MYO5C: variants seen among roughly 807,000 people sequenced by gnomAD.
The protein encoded by MYO5C is myosin VC.
In MYO5C, 194 loss-of-function variants were observed where a neutral mutation model predicts 235.7. The observed-to-expected ratio is 0.82, with a 90% confidence interval of 0.73 to 0.93. MYO5C has a LOEUF of 0.93. Among genes scored for constraint, MYO5C ranks in the 40% least tolerant of loss-of-function variants. The pLI is 0.00. For synonymous variants in MYO5C, 707 were observed against 754.8 expected, an observed-to-expected ratio of 0.94 and a Z score of 1.04; for missense variants, 2,038 against 2,127.2, an observed-to-expected ratio of 0.96 and a Z score of 0.82.
chr15:52,202,322 A>G (rs1356932505), intron 38 of MYO5C, among the ~76,000 whole-genome samples: 1 of 152,198 alleles, frequency 6.6e-6, no homozygotes, highest in African/African-American at 2.4e-5. Context: ...GGTTGCAGTG[A>G]GCCAAGATCG....
At position 52,211,839 on chromosome 15, in the gene MYO5C, G is replaced by A. The variant is rs17650440; in HGVS notation, c.4187C>T (p.Pro1396Leu). Residue 1396 changes from proline to leucine, a missense_variant, in exon 35 of 41, where the codon CCG (proline) becomes CTG (leucine). By Grantham distance (98) the Pro-to-Leu change is moderately conservative (BLOSUM62 -3). Transcript: ENST00000261839. ...GVVVNMIPGL[P>L]AHILFMCVRY... ...CACACACATGAACAGGATATGAGCC[G>A]GCAGCCCGGGGATCATGTTCACCAC... 1.3e-5 allele frequency: 21 copies of A among 1,613,924 alleles called. No individual in the cohort carries two copies. The highest frequency in any genetic ancestry group is 4.0e-5 in the African/African-American group (3 of 74,924).
At chr15:52,232,736 A>C (rs1223054918) in intron 23 of MYO5C, 51 bp from the exon 24 acceptor site, 1 of 1,473,818 alleles carries the variant, frequency 6.8e-7, no homozygotes, top group South Asian at 1.1e-5. Context: ...CAATGCCTTG[A>C]TTGTTTCATG....
intron 1 of MYO5C, among the ~76,000 whole-genome samples, chr15:52,284,170 C>CA (rs2037216073): frequency 6.7e-6 from 1 of 149,662 alleles, no homozygotes; most frequent in African/African-American, 2.5e-5. Flanking sequence ...TTATAGTGGC[C>CA]AAAAATTGGA....
chr15:52,251,136 T>C (rs1435131070), intron 13 of MYO5C: 1 of 286,796 alleles, frequency 3.5e-6, no homozygotes, highest in African/African-American at 2.2e-5. Flanking sequence ...AAGAGGTTAA[T>C]GAAATTCAGT....
In MYO5C at chr15:52,229,133, C is replaced by A; in HGVS notation, c.3207G>T (p.Lys1069Asn). 1 of 1,614,124 alleles carries A rather than the reference C, an allele frequency of 6.2e-7. No individual in the cohort carries two copies. The change falls in exon 25 of 41, where the codon AAG (lysine) becomes AAT (asparagine). Residue 1069 changes from lysine to asparagine, a missense_variant and splice_region_variant. Transcript: ENST00000261839. Reference sequence around the variant, plus strand: ...GGGCTGAACGTGAGAGCCGCTCTACCTTGACCTGCTTGCTCAGGCGGGCCA... The same window carrying A: ...GGGCTGAACGTGAGAGCCGCTCTACATTGACCTGCTTGCTCAGGCGGGCCA... ...AEVARLSKQV[K>N]TISEFEKEIE...
chr15:52,242,925 G>A (rs554689515), intron 19 of MYO5C: 1 of 152,350 alleles, frequency 6.6e-6, no homozygotes, highest in Admixed American at 6.5e-5. Flanking sequence ...CTCAGAAAAG[G>A]AGTTTGTTTG....
At chr15:52,266,454 C>T (rs1013353825) in intron 8 of MYO5C, among the ~76,000 whole-genome samples, 11 of 152,186 alleles carry the variant, frequency 7.2e-5, no homozygotes, top group African/African-American at 2.2e-4. Flanking sequence ...CCTCCCCTCG[C>T]GCTTCTCCAG....
At chr15:52,216,006 C>T (rs1438096432) in intron 32 of MYO5C, among the ~76,000 whole-genome samples, 1 of 152,100 alleles carries the variant, frequency 6.6e-6, no homozygotes, top group African/African-American at 2.4e-5. Flanking sequence ...ATCTCGTCCA[C>T]ATGTTCAAGT....
intron 10 of MYO5C, among the ~76,000 whole-genome samples, chr15:52,257,205 A>G (rs767551778): frequency 6.6e-6 from 1 of 152,240 alleles, no homozygotes; most frequent in Non-Finnish European, 1.5e-5. Flanking sequence ...CAACTGCAGC[A>G]CAATTTTGCC....
intron 5 of MYO5C, among the ~76,000 whole-genome samples, chr15:52,273,911 A>G (rs112433391): frequency 2.0e-4 from 31 of 151,962 alleles, no homozygotes; most frequent in African/African-American, 6.8e-4. Flanking sequence ...CTTTCATCCA[A>G]CCTTTATTCC....
chr15:52,229,353 G>C (rs1196901161), intron 24 of MYO5C, 40 bp from the exon 25 acceptor site: 1 of 1,593,286 alleles, frequency 6.3e-7, no homozygotes, highest in East Asian at 2.2e-5. Flanking sequence ...AGCTGAGCAT[G>C]GTGGCTGAAA....
At chr15:52,274,831 G>A (rs2037005674) in intron 5 of MYO5C, among the ~76,000 whole-genome samples, 1 of 152,122 alleles carries the variant, frequency 6.6e-6, no homozygotes, top group Admixed American at 6.5e-5. Context: ...TATTCATTGA[G>A]GATTTTGATT....
intron 29 of MYO5C, among the ~76,000 whole-genome samples, chr15:52,222,956 C>A (rs1023216808): frequency 3.3e-5 from 5 of 152,022 alleles, no homozygotes; most frequent in African/African-American, 1.2e-4. Context: ...TCGAGACTAG[C>A]CTTGCCCACA....
Position 52,225,535 on chromosome 15 carries a change from G to C in MYO5C, c.3208-3C>G. ...TCTTTTTCGAACTCAGAGATTGTCT[G>C]AATCACAGCAATGACGGAATCAGGT... On this transcript the variant is annotated splice_region_variant and splice_polypyrimidine_tract_variant and intron_variant, in intron 25 of 40. Transcript: ENST00000261839. 1 of 1,601,836 alleles carries C rather than the reference G, an allele frequency of 6.2e-7. No individual in the cohort carries two copies. The highest frequency in any genetic ancestry group is 8.5e-7 in the Non-Finnish European group (1 of 1,169,772).
At chr15:52,282,915 C>G (rs1224334804) in intron 1 of MYO5C, 23 bp from the exon 2 acceptor site, 1 of 1,528,782 alleles carries the variant, frequency 6.5e-7, no homozygotes, top group East Asian at 2.2e-5. Flanking sequence ...ATGAGAAAAG[C>G]TGAATTTCAG....
At chr15:52,203,570 T>C (rs1189174267) in intron 38 of MYO5C, among the ~76,000 whole-genome samples, 1 of 152,036 alleles carries the variant, frequency 6.6e-6, no homozygotes. Flanking sequence ...GGTCTCAAAC[T>C]CCTGACCTCA....
At chr15:52,218,979 C>T (rs1239436432) in intron 31 of MYO5C, among the ~76,000 whole-genome samples, 1 of 152,222 alleles carries the variant, frequency 6.6e-6, no homozygotes, top group Non-Finnish European at 1.5e-5. Flanking sequence ...TCCACGCCCA[C>T]CATACGCTGT....
intron 31 of MYO5C, among the ~76,000 whole-genome samples, chr15:52,219,351 C>T (rs2035626484): frequency 6.6e-6 from 1 of 152,114 alleles, no homozygotes; most frequent in African/African-American, 2.4e-5. Flanking sequence ...TTAATTCTTA[C>T]CCTAAATAGT....
At chr15:52,289,577 C>G (rs1024826652) in intron 1 of MYO5C, among the ~76,000 whole-genome samples, 3 of 151,982 alleles carry the variant, frequency 2.0e-5, no homozygotes, top group African/African-American at 7.3e-5. Context: ...TGCCTACCAG[C>G]CCCCTTGCCA....
Sources: gnomAD v4.1 joint callset for allele counts (sites outside exome capture counted in the v4.1 genomes callset) on GRCh38, gnomAD v4.1.1 for gene constraint, MANE v1.5 for transcripts, NCBI Gene and HGNC (gene_info 2026-07-23, HGNC 2026-07-21) for gene names.